ARHGAP6: variants seen among roughly 807,000 people sequenced by gnomAD.
ARHGAP6 encodes Rho GTPase activating protein 6.
Under a neutral mutation model 55.7 loss-of-function variants are expected in ARHGAP6, and 16 were observed. That is an observed-to-expected ratio of 0.29 (90% CI 0.19 to 0.44). ARHGAP6 has a LOEUF of 0.44. Among genes scored for constraint, ARHGAP6 ranks in the 20% least tolerant of loss-of-function variants. ARHGAP6 has a pLI of 1.00. For missense variants in ARHGAP6, 698 were observed against 808.9 expected, an observed-to-expected ratio of 0.86 and a Z score of 1.66; for synonymous variants, 382 against 360.9, an observed-to-expected ratio of 1.06 and a Z score of -0.66.
intron 10 of ARHGAP6, among the ~76,000 whole-genome samples, chrX:11,144,534 T>A (rs1349569824): frequency 1.8e-5 from 2 of 112,674 alleles, no homozygotes; most frequent in African/African-American, 6.5e-5. Flanking sequence ...CATTTGCCAA[T>A]GGGCATCGCT....
intron 2 of ARHGAP6, among the ~76,000 whole-genome samples, chrX:11,214,606 G>A (rs1363982320): frequency 8.8e-6 from 1 of 113,065 alleles, no homozygotes; most frequent in Non-Finnish European, 1.9e-5. Context: ...CTGGAATATC[G>A]TGGGGACAGA....
intron 8 of ARHGAP6, among the ~76,000 whole-genome samples, chrX:11,174,557 CCTTCCTTCCTTCCTTCCTTT>C (rs1407685149): frequency 2.4e-4 from 19 of 80,042 alleles, no homozygotes; most frequent in African/African-American, 7.7e-4. Context: ...TTCCTTCCTT[CCTTCCTTCCTTCCTTCCTTT>C]CTTTCTTTCT....
chrX:11,479,482 C>G (rs1042306722), intron 1 of ARHGAP6, among the ~76,000 whole-genome samples: 4 of 111,625 alleles, frequency 3.6e-5, no homozygotes, highest in African/African-American at 1.3e-4. Context: ...ATTCTGATTA[C>G]AGGCTGGTAC....
In ARHGAP6 at chrX:11,494,056, T is replaced by A. The variant is rs148794407; in HGVS notation, c.588+170185A>T. ...ACAGCAGTATGGATGTTTGGGACCA[T>A]TTCTGTTACAGGGATGGTGGCATCC... On this transcript the variant is annotated intron_variant, in intron 1 of 12. Coordinates refer to ENST00000337414, the MANE Select transcript of ARHGAP6 (RefSeq NM_013427.3). Among the ~76,000 whole-genome samples, 584 of 110,308 alleles carry A rather than the reference T, an allele frequency of 5.3e-3. 3 individuals carry two copies. Among genetic ancestry groups the A allele is most frequent in the African/African-American group, 0.018 (558 of 30,314 alleles).
At chrX:11,380,239 T>C (rs2049246796) in intron 1 of ARHGAP6, among the ~76,000 whole-genome samples, 1 of 111,611 alleles carries the variant, frequency 9.0e-6, no homozygotes, top group South Asian at 3.8e-4. Context: ...GTGTATATGT[T>C]GACATCTTTT....
intron 2 of ARHGAP6, among the ~76,000 whole-genome samples, chrX:11,236,350 C>T (rs1333582666): frequency 9.0e-6 from 1 of 111,635 alleles, no homozygotes; most frequent in African/African-American, 3.3e-5. Flanking sequence ...ATTCAATTAC[C>T]TCCCACTGGG....
At chrX:11,468,810 T>C (rs1829321485) in intron 1 of ARHGAP6, among the ~76,000 whole-genome samples, 1 of 112,728 alleles carries the variant, frequency 8.9e-6, no homozygotes, top group Admixed American at 9.4e-5. Flanking sequence ...GTCAAGGTAC[T>C]ATGCAATGAA....
At chrX:11,552,130 A>G (rs920794759) in intron 1 of ARHGAP6, among the ~76,000 whole-genome samples, 5 of 111,856 alleles carry the variant, frequency 4.5e-5, no homozygotes, top group Non-Finnish European at 9.4e-5. Context: ...TCTCAAAAGA[A>G]AACATCAAAT....
Position 11,142,376 on chromosome X carries a change from T to C in ARHGAP6, c.2177-63A>G. On this transcript the variant is annotated intron_variant, in intron 11 of 12. Transcript: ENST00000337414. The stretch of plus-strand genomic sequence containing the variant: ...AGGAAAATTAAAAATCAATGAACAT[T>C]TTAATAACATCTCTTCTGTGCAAAG... 3.9e-6 allele frequency: 3 copies of C among 773,274 alleles called. No individual in the cohort carries two copies. The South Asian group carries it at 7.3e-5, about 19-fold the overall frequency. The allele number at this position is 773,274 out of a possible 1,213,427, so 63.7% of individuals were successfully genotyped here. A position where few individuals can be genotyped will look rare whatever the true frequency, so the allele number is the denominator to read the frequency against.
At chrX:11,600,736 A>G (rs771539102) in intron 1 of ARHGAP6, among the ~76,000 whole-genome samples, 1 of 112,258 alleles carries the variant, frequency 8.9e-6, no homozygotes, top group Non-Finnish European at 1.9e-5. Flanking sequence ...GATTGAGCCC[A>G]GTGGGCAAGC....
intron 4 of ARHGAP6, among the ~76,000 whole-genome samples, chrX:11,187,186 A>C (rs1242037579): frequency 9.0e-6 from 1 of 111,426 alleles, no homozygotes; most frequent in Non-Finnish European, 1.9e-5. Context: ...CTAAGTACTT[A>C]CAGCCTGCCA....
chrX:11,378,090 A>T (rs1183592001), intron 1 of ARHGAP6, among the ~76,000 whole-genome samples: 4 of 112,068 alleles, frequency 3.6e-5, no homozygotes, highest in Non-Finnish European at 7.5e-5. Context: ...GTATAGTGTC[A>T]TCTGAGAAAG....
intron 1 of ARHGAP6, among the ~76,000 whole-genome samples, chrX:11,369,186 GTTTGTTTT>G (rs2147705817): frequency 9.0e-6 from 1 of 111,241 alleles, no homozygotes; most frequent in African/African-American, 3.3e-5. Context: ...TTGTTTGTTT[GTTTGTTTT>G]TTTGCCTACT....
chrX:11,252,096 G>A (rs1237303165), intron 2 of ARHGAP6, among the ~76,000 whole-genome samples: 1 of 111,880 alleles, frequency 8.9e-6, no homozygotes, highest in Non-Finnish European at 1.9e-5. Context: ...AATAATTAAT[G>A]GAGACAGAGC....
At chrX:11,243,593 T>C (rs1471211414) in intron 2 of ARHGAP6, among the ~76,000 whole-genome samples, 1 of 112,170 alleles carries the variant, frequency 8.9e-6, no homozygotes, top group Non-Finnish European at 1.9e-5. Context: ...ATATTGACTT[T>C]TATTTTTTGC....
intron 1 of ARHGAP6, among the ~76,000 whole-genome samples, chrX:11,571,373 C>T (rs183177068): frequency 9.0e-6 from 1 of 111,055 alleles, no homozygotes; most frequent in African/African-American, 3.3e-5. Context: ...CATGTGAATT[C>T]AGGCAATTCA....
At chrX:11,522,145 TA>T (rs1470203410) in intron 1 of ARHGAP6, among the ~76,000 whole-genome samples, 1 of 111,138 alleles carries the variant, frequency 9.0e-6, no homozygotes. Context: ...ACTGGGTACA[TA>T]ACGAAATGAA....
chrX:11,155,402 C>T (rs1011230413), intron 10 of ARHGAP6, among the ~76,000 whole-genome samples: 6 of 111,175 alleles, frequency 5.4e-5, no homozygotes, highest in African/African-American at 1.6e-4. Flanking sequence ...CCAGTTCAAG[C>T]GATTCTCCCA....
At chrX:11,651,269 C>G (rs1340365981) in intron 1 of ARHGAP6, among the ~76,000 whole-genome samples, 1 of 109,652 alleles carries the variant, frequency 9.1e-6, no homozygotes, top group Non-Finnish European at 1.9e-5. Context: ...AGTTATTTTT[C>G]CTGATCCTCT....
Sources: allele counts gnomAD v4.1 joint callset (sites outside exome capture counted in the v4.1 genomes callset), GRCh38; gene constraint gnomAD v4.1.1; transcripts MANE v1.5; gene names NCBI Gene and HGNC (gene_info 2026-07-23, HGNC 2026-07-21).